Variants in ARHGAP19 observed in about 807,000 individuals in gnomAD.
ARHGAP19 encodes the protein rho GTPase-activating protein 19.
A neutral mutation model predicts 60.9 loss-of-function variants in ARHGAP19; 48 were observed. The observed-to-expected ratio is 0.79, with a 90% CI of 0.62 to 1.00. The LOEUF is 1.00. Ranked by LOEUF, ARHGAP19 falls within the 50% of genes least tolerant of loss-of-function variation. The pLI is 0.00. For missense variants in ARHGAP19, 562 were observed against 597.2 expected (o/e 0.94, Z 0.61); for synonymous variants, 209 against 215.5 (o/e 0.97, Z 0.27).
intron 1 of ARHGAP19, among the ~76,000 whole-genome samples, chr10:97,289,226 T>A (rs925884326): frequency 6.6e-6 from 1 of 151,668 alleles, no homozygotes; most frequent in Admixed American, 6.6e-5. Flanking sequence ...GCGATTCTCC[T>A]GTCTCAGCCT....
chr10:97,265,188 G>A (rs767759729), intron 2 of ARHGAP19, among the ~76,000 whole-genome samples: 15 of 152,154 alleles, frequency 9.9e-5, no homozygotes, highest in African/African-American at 2.6e-4. Flanking sequence ...GATATCTAGC[G>A]TGTTAGTATT....
intron 1 of ARHGAP19, among the ~76,000 whole-genome samples, chr10:97,272,880 G>A (rs1266605616): frequency 9.7e-5 from 14 of 144,302 alleles, no homozygotes; most frequent in Non-Finnish European, 1.5e-4. Flanking sequence ...TCGCTCTGTC[G>A]CCCAGGCTGG....
intron 8 of ARHGAP19, among the ~76,000 whole-genome samples, chr10:97,238,844 CACTT>C (rs1479954088): frequency 6.6e-6 from 1 of 152,206 alleles, no homozygotes; most frequent in Non-Finnish European, 1.5e-5. Context: ...ACTCACCACT[CACTT>C]ACTGACACAC....
At chr10:97,242,430 C>T (rs1589450417) in intron 8 of ARHGAP19, among the ~76,000 whole-genome samples, 1 of 146,324 alleles carries the variant, frequency 6.8e-6, no homozygotes, top group African/African-American at 2.5e-5. Flanking sequence ...ACCTCCCGGG[C>T]TCAAGCAATT....
rs963583689 is a variant in ARHGAP19 at position 97,267,833 on chromosome 10, G to T, written c.57-1708C>A. ...AAGCAGCAAGGGACTGTGCAAAGCA[G>T]CAAGGCCCTGGGCCCAGCCCACAAC... On this transcript the variant is annotated intron_variant, in intron 1 of 11. Transcript: ENST00000358531. Among the ~76,000 whole-genome samples the T allele has an allele frequency of 2.6e-5, 4 of 152,258 alleles. No individual in the cohort carries two copies. The South Asian group carries it at 8.3e-4, about 31-fold the overall frequency.
chr10:97,235,484 A>T (rs1022966859), intron 8 of ARHGAP19, among the ~76,000 whole-genome samples, 169 bp from the exon 9 acceptor site: 4 of 152,196 alleles, frequency 2.6e-5, no homozygotes, highest in African/African-American at 9.7e-5. Flanking sequence ...ATGATGCCAA[A>T]AGAAGTGGAT....
At position 97,230,512 on chromosome 10, in the gene ARHGAP19, C is replaced by T. The variant is rs150807342; in HGVS notation, c.1285-638G>A. ...TAGAAGATGATGTAGTTTAGGTAAC[C>T]GCCAACAGTGACAATTCTACCATCT... On this transcript the variant is annotated intron_variant, in intron 9 of 11. Coordinates refer to ENST00000358531, the MANE Select transcript of ARHGAP19 (RefSeq NM_032900.6). Among the ~76,000 whole-genome samples the T allele has an allele frequency of 5.0e-3, 755 of 152,242 alleles. 6 individuals carry two copies. Among genetic ancestry groups the T allele is most frequent in the African/African-American group, 0.017 (710 of 41,546 alleles).
chr10:97,246,375 T>C (rs1181225355), intron 6 of ARHGAP19, 38 bp from the exon 7 acceptor site: 2 of 1,486,264 alleles, frequency 1.3e-6, no homozygotes, highest in Non-Finnish European at 1.9e-6. Context: ...ACCCAGTGAT[T>C]AGTAGAATAT....
At chr10:97,244,233 G>A (rs1169274138) in intron 7 of ARHGAP19, 74 bp from the exon 8 acceptor site, 6 of 1,318,306 alleles carry the variant, frequency 4.6e-6, no homozygotes, top group South Asian at 2.9e-5. Flanking sequence ...CAAAAACCTG[G>A]AACAAAAAAA....
At chr10:97,284,053 C>T (rs1843122323) in intron 1 of ARHGAP19, among the ~76,000 whole-genome samples, 1 of 152,038 alleles carries the variant, frequency 6.6e-6, no homozygotes. Flanking sequence ...CCCACCTCAT[C>T]CTCCCCAGTA....
chr10:97,253,811 G>A (rs1030904858), intron 6 of ARHGAP19, among the ~76,000 whole-genome samples: 2 of 152,108 alleles, frequency 1.3e-5, no homozygotes, highest in African/African-American at 4.8e-5. Flanking sequence ...ATCATATGCT[G>A]AGGTTGCTAA....
chr10:97,248,777 G>A (rs1842599446), intron 6 of ARHGAP19, among the ~76,000 whole-genome samples: 1 of 152,094 alleles, frequency 6.6e-6, no homozygotes, highest in African/African-American at 2.4e-5. Flanking sequence ...GGTTAACAAG[G>A]GCTATCACCG....
intron 7 of ARHGAP19, 113 bp downstream of exon 7, chr10:97,246,159 A>G: frequency 2.3e-6 from 2 of 856,672 alleles, no homozygotes; most frequent in Non-Finnish European, 3.7e-6. Flanking sequence ...TTGAGCTATA[A>G]TACTAAAACT....
At chr10:97,242,576 G>A (rs1340798852) in intron 8 of ARHGAP19, among the ~76,000 whole-genome samples, 1 of 151,968 alleles carries the variant, frequency 6.6e-6, no homozygotes, top group Non-Finnish European at 1.5e-5. Context: ...GCAATGGCAT[G>A]ATCTCGGCTC....
At chr10:97,263,276 C>A in intron 4 of ARHGAP19, 144 bp downstream of exon 4, 2 of 771,984 alleles carry the variant, frequency 2.6e-6, no homozygotes, top group Non-Finnish European at 2.1e-6. Flanking sequence ...CCTATGAGTA[C>A]CCAGAGAAGT....
At chr10:97,245,395 G>A (rs1648767972) in intron 7 of ARHGAP19, among the ~76,000 whole-genome samples, 2 of 151,948 alleles carry the variant, frequency 1.3e-5, no homozygotes, top group South Asian at 4.1e-4. Context: ...GGAGGCTGAG[G>A]CAGTCGGACT....
chr10:97,259,520 T>C lies in ARHGAP19; in HGVS notation c.722A>G (p.Asn241Ser). Residue 241 changes from asparagine (N) to serine (S), a missense_variant, in exon 5 of 12, where the codon AAT becomes AGT. Asn to Ser is a conservative substitution (Grantham distance 46, BLOSUM62 1). Coordinates refer to ENST00000358531, the MANE Select transcript of ARHGAP19 (RefSeq NM_032900.6). ...GAGATCAAGCAATAACTTCAGCAAATTACGATTAGGAGGAGGGAGAATGAG... is the reference window on the plus strand; with the variant it reads ...GAGATCAAGCAATAACTTCAGCAAACTACGATTAGGAGGAGGGAGAATGAG... ...LFLILPPPNR[N>S]LLKLLLDLLY... 6.2e-7 allele frequency: 1 copy of C among 1,614,122 alleles called. No homozygotes were observed. The highest frequency in any genetic ancestry group is 8.5e-7 in the Non-Finnish European group (1 of 1,180,020).
chr10:97,229,100 G>A, intron 11 of ARHGAP19, 47 bp downstream of exon 11: 1 of 1,511,618 alleles, frequency 6.6e-7, no homozygotes, highest in South Asian at 1.1e-5. Flanking sequence ...ACTAGATGCA[G>A]AAAGGAATTA....
intron 8 of ARHGAP19, among the ~76,000 whole-genome samples, chr10:97,240,071 C>A (rs1204721081): frequency 3.3e-5 from 5 of 150,918 alleles, no homozygotes; most frequent in Non-Finnish European, 5.9e-5. Context: ...GTAAAGGGTA[C>A]TTACCCAGTT....
Sources: allele counts gnomAD v4.1 joint callset (sites outside exome capture counted in the v4.1 genomes callset), GRCh38; gene constraint gnomAD v4.1.1; transcripts MANE v1.5; gene names NCBI Gene and HGNC (gene_info 2026-07-23, HGNC 2026-07-21).